Variants in RBFOX1 observed in about 807,000 individuals in gnomAD.
The protein encoded by RBFOX1 is RNA binding protein fox-1 homolog 1.
RBFOX1 carries 8 observed loss-of-function variants against 57.7 expected under a neutral mutation model. The observed-to-expected ratio is 0.14, with a 90% CI of 0.08 to 0.25. The LOEUF (loss-of-function observed/expected upper bound fraction) is 0.25. Ranked by LOEUF, RBFOX1 falls within the 10% of genes least tolerant of loss-of-function variation. The pLI, the probability that RBFOX1 is intolerant of heterozygous loss-of-function variation, is 1.00. For missense variants in RBFOX1, 611 were observed against 548.5 expected (o/e 1.11, Z -1.14); for synonymous variants, 326 against 222.4 (o/e 1.47, Z -4.15).
At chr16:6,086,714 G>A (rs1449959690) in intron 1 of RBFOX1, among the ~76,000 whole-genome samples, 1 of 152,162 alleles carries the variant, frequency 6.6e-6, no homozygotes, top group Non-Finnish European at 1.5e-5. Context: ...TTTTGTGTGG[G>A]ATGGAAACAT....
intron 3 of RBFOX1, among the ~76,000 whole-genome samples, chr16:5,786,143 A>T (rs1597247140): frequency 6.6e-6 from 1 of 151,678 alleles, no homozygotes; most frequent in Middle Eastern, 3.2e-3. Flanking sequence ...ATATTGCTCC[A>T]CCTCTCACCC....
chr16:6,110,262 C>G (rs2096431061), intron 1 of RBFOX1, among the ~76,000 whole-genome samples: 1 of 143,192 alleles, frequency 7.0e-6, no homozygotes, highest in South Asian at 2.2e-4. Flanking sequence ...CTTTGTAGGT[C>G]ATTGTGACTT....
At chr16:7,278,041 G>T (rs777161164) in intron 4 of RBFOX1, among the ~76,000 whole-genome samples, 5 of 152,100 alleles carry the variant, frequency 3.3e-5, no homozygotes, top group Admixed American at 6.6e-5. Flanking sequence ...GCAGAATAAT[G>T]CTAGCATTGC....
intron 2 of RBFOX1, among the ~76,000 whole-genome samples, chr16:6,392,734 A>G (rs1309948177): frequency 2.0e-5 from 3 of 152,252 alleles, no homozygotes; most frequent in African/African-American, 4.8e-5. Flanking sequence ...CTTGAGAACT[A>G]GATGGTATGC....
chr16:6,465,318 G>A (rs1008366587), intron 2 of RBFOX1, among the ~76,000 whole-genome samples: 15 of 152,186 alleles, frequency 9.9e-5, no homozygotes, highest in Admixed American at 4.6e-4. Context: ...GGCACTCTCC[G>A]TGTACCTTCG....
At chr16:5,829,610 C>T (rs1234995117) in intron 3 of RBFOX1, among the ~76,000 whole-genome samples, 12 of 152,122 alleles carry the variant, frequency 7.9e-5, no homozygotes, top group Non-Finnish European at 1.0e-4. Flanking sequence ...TTTTCTTTCT[C>T]TCTTCAGTAA....
At chr16:7,008,651 TCC>T (rs1568347795) in intron 3 of RBFOX1, among the ~76,000 whole-genome samples, 3 of 7,808 alleles carry the variant, frequency 3.8e-4, no homozygotes, top group African/African-American at 1.6e-3. Flanking sequence ...CCTTCCTTCC[TCC>T]TCCCTTCCTC....
rs370924706 is a variant in RBFOX1 at position 7,013,180 on chromosome 16, T to C, written c.-15-38877T>C. On this transcript the variant is annotated intron_variant, in intron 3 of 15. Coordinates refer to ENST00000550418, the MANE Select transcript of RBFOX1 (RefSeq NM_018723.4). ...TGTGGTGTAATGCTCTGATACTCAT[T>C]GGCTTTGTGACTGAGATTGAGCCAT... Among the ~76,000 whole-genome samples the C allele has an allele frequency of 6.6e-5, 10 of 152,318 alleles. No homozygotes were observed. The East Asian group carries it at 1.4e-3, about 21-fold the overall frequency.
chr16:5,241,109 C>G (rs980595314), intron 1 of RBFOX1, among the ~76,000 whole-genome samples: 1 of 152,218 alleles, frequency 6.6e-6, no homozygotes, highest in African/African-American at 2.4e-5. Context: ...TCATTCTGAA[C>G]CCATTTGGGC....
rs1043410454 is a variant in RBFOX1, at chr16:7,364,575, CAAAAAAAAAAAAAACA to C, written c.28-153560_28-153545del. ...GTAGCTCACATGATATCAAGAAGAC[CAAAAAAAAAAAAAACA>C]AAAAAAAAAAACTTGGATCCCAGAA... On this transcript the variant is annotated intron_variant, in intron 4 of 15. Coordinates refer to ENST00000550418, the MANE Select transcript of RBFOX1 (RefSeq NM_018723.4). Among the ~76,000 whole-genome samples, 240 of 52,494 alleles carry C rather than the reference CAAAAAAAAAAAAAACA, an allele frequency of 4.6e-3. 1 individual carries two copies. Among genetic ancestry groups the C allele is most frequent in the African/African-American group, 0.016 (233 of 15,000 alleles). The allele number at this position is 52,494 out of a possible 152,430, so 34.4% of individuals were successfully genotyped here.
chr16:5,270,567 G>T (rs1746982611), intron 1 of RBFOX1: 2 of 590,648 alleles, frequency 3.4e-6, no homozygotes, highest in Non-Finnish European at 6.3e-6. Flanking sequence ...ACTACCGATG[G>T]TTACTTCTTT....
chr16:6,107,244 C>G (rs555077141), intron 1 of RBFOX1, among the ~76,000 whole-genome samples: 2 of 152,122 alleles, frequency 1.3e-5, no homozygotes, highest in Admixed American at 6.5e-5. Flanking sequence ...CCCCCTAGTA[C>G]CTGATGATAT....
At chr16:5,384,805 G>A (rs1003876797) in intron 1 of RBFOX1, among the ~76,000 whole-genome samples, 1 of 152,118 alleles carries the variant, frequency 6.6e-6, no homozygotes, top group South Asian at 2.1e-4. Flanking sequence ...TTGGCAGGAT[G>A]CTTCACGTAT....
At chr16:5,550,694 C>G (rs1278932600) in intron 2 of RBFOX1, among the ~76,000 whole-genome samples, 1 of 152,110 alleles carries the variant, frequency 6.6e-6, no homozygotes, top group Non-Finnish European at 1.5e-5. Flanking sequence ...AGCTCCCTGT[C>G]CCTGTGGCAT....
At chr16:6,393,981 T>G (rs1414027072) in intron 2 of RBFOX1, among the ~76,000 whole-genome samples, 3 of 152,198 alleles carry the variant, frequency 2.0e-5, no homozygotes, top group Non-Finnish European at 4.4e-5. Flanking sequence ...ACAAGAATCT[T>G]GGAAGGCGTT....
intron 6 of RBFOX1, 106 bp downstream of exon 6, chr16:7,580,026 A>G (rs2093631409): frequency 1.7e-5 from 21 of 1,246,504 alleles, no homozygotes; most frequent in East Asian, 7.3e-5. Flanking sequence ...AGATGTTTGT[A>G]TGGGGAGAAA....
intron 3 of RBFOX1, among the ~76,000 whole-genome samples, chr16:5,711,285 A>G (rs969044179): frequency 6.6e-6 from 1 of 152,210 alleles, no homozygotes; most frequent in Non-Finnish European, 1.5e-5. Context: ...TGTTATCTAC[A>G]TTGCTCAGAT....
In RBFOX1 at chr16:7,003,275, A is replaced by G. The variant is rs561125335; in HGVS notation, c.-15-48782A>G. 9.2e-4 allele frequency among the ~76,000 whole-genome samples: 140 copies of G among 152,044 alleles called. 6 individuals are homozygous for G. In the South Asian group the frequency reaches 0.029, roughly 31 times the overall value. On this transcript the variant is annotated intron_variant, in intron 3 of 15. Transcript: ENST00000550418. ...GCAGATCAAGACCATCCTGGCCAAC[A>G]TGGTGAAACCCCCGTCTCTACTAAA...
chr16:7,109,835 G>A (rs78673174), intron 4 of RBFOX1, among the ~76,000 whole-genome samples: 97 of 152,224 alleles, frequency 6.4e-4, no homozygotes, highest in Non-Finnish European at 1.2e-3. Flanking sequence ...CTTGCACTAC[G>A]TGATGAGGTG....
Sources: allele counts gnomAD v4.1 joint callset (sites outside exome capture counted in the v4.1 genomes callset), GRCh38; gene constraint gnomAD v4.1.1; transcripts MANE v1.5; gene names NCBI Gene and HGNC (gene_info 2026-07-23, HGNC 2026-07-21).